The following BMPR1B variants were observed in gnomAD, a reference collection of about 807,000 sequenced individuals.
The protein encoded by BMPR1B is bone morphogenetic protein receptor type-1B.
A neutral mutation model predicts 59.1 loss-of-function variants in BMPR1B; 12 were observed. The observed-to-expected ratio is 0.20, with a 90% CI of 0.13 to 0.33. The LOEUF (loss-of-function observed/expected upper bound fraction) is 0.33. BMPR1B is among the 10% of genes least tolerant of loss of function. The pLI, the probability that BMPR1B is intolerant of heterozygous loss-of-function variation, is 1.00. For missense variants in BMPR1B, 550 were observed against 610.9 expected, an observed-to-expected ratio of 0.90 and a Z score of 1.05; for synonymous variants, 237 against 207.3, an observed-to-expected ratio of 1.14 and a Z score of -1.23.
chr4:95,031,042 A>C (rs1243476835), intron 3 of BMPR1B, among the ~76,000 whole-genome samples: 1 of 151,924 alleles, frequency 6.6e-6, no homozygotes, highest in Non-Finnish European at 1.5e-5. Flanking sequence ...TATGGAACCA[A>C]AAAAGAGCCC....
At chr4:94,884,972 C>T (rs939717810) in intron 2 of BMPR1B, among the ~76,000 whole-genome samples, 1 of 152,270 alleles carries the variant, frequency 6.6e-6, no homozygotes, top group South Asian at 2.1e-4. Flanking sequence ...GCTGTGAGCA[C>T]GTGAACAGGC....
At chr4:94,919,277 A>G (rs1334038848) in intron 2 of BMPR1B, among the ~76,000 whole-genome samples, 1 of 152,162 alleles carries the variant, frequency 6.6e-6, no homozygotes, top group Non-Finnish European at 1.5e-5. Context: ...CCCTTGTCAT[A>G]TAGGATATGG....
chr4:94,978,072 G>C (rs1298238092), intron 2 of BMPR1B, among the ~76,000 whole-genome samples: 1 of 152,098 alleles, frequency 6.6e-6, no homozygotes, highest in African/African-American at 2.4e-5. Flanking sequence ...AGGCCCATTG[G>C]CTTTCACTAA....
At chr4:95,138,954 G>A (rs1734010963) in intron 10 of BMPR1B, among the ~76,000 whole-genome samples, 1 of 152,142 alleles carries the variant, frequency 6.6e-6, no homozygotes, top group African/African-American at 2.4e-5. Flanking sequence ...TTCCATTGCT[G>A]GTGAGGAGCT....
Position 94,999,530 on chromosome 4 carries a change from A to C in BMPR1B, c.-18+3396A>C, listed in dbSNP as rs184333630. On this transcript the variant is annotated intron_variant, in intron 3 of 12. Coordinates refer to ENST00000515059, the MANE Select transcript of BMPR1B (RefSeq NM_001203.3). The stretch of plus-strand genomic sequence containing the variant: ...TCAAAATGATATTGGTTAGCAAATA[A>C]AAATTCAGGATACATATTCCAAAAA... Among the ~76,000 whole-genome samples, 754 of 152,250 alleles carry C rather than the reference A, an allele frequency of 5.0e-3. 16 individuals carry two copies. Among genetic ancestry groups the C allele is most frequent in the South Asian group, 0.031 (148 of 4,826 alleles).
intron 1 of BMPR1B, among the ~76,000 whole-genome samples, chr4:94,836,285 T>C (rs1490794141): frequency 1.3e-5 from 2 of 151,474 alleles, no homozygotes; most frequent in East Asian, 3.9e-4. Context: ...AGTAATGGGA[T>C]GGCTGGGTCA....
At chr4:94,774,429 C>A (rs1722294802) in intron 1 of BMPR1B, among the ~76,000 whole-genome samples, 1 of 151,840 alleles carries the variant, frequency 6.6e-6, no homozygotes, top group African/African-American at 2.4e-5. Flanking sequence ...ATGATAAAAT[C>A]TTTTAATCAG....
At chr4:95,013,615 A>G (rs534527833) in intron 3 of BMPR1B, among the ~76,000 whole-genome samples, 26 of 152,324 alleles carry the variant, frequency 1.7e-4, no homozygotes, top group African/African-American at 6.3e-4. Flanking sequence ...TAGAAAACGT[A>G]AACTTTCGGA....
At chr4:94,915,382 A>C (rs1728443022) in intron 2 of BMPR1B, among the ~76,000 whole-genome samples, 1 of 152,228 alleles carries the variant, frequency 6.6e-6, no homozygotes, top group Non-Finnish European at 1.5e-5. Flanking sequence ...ATAGTTATCA[A>C]AACCATTTGG....
In BMPR1B at chr4:94,922,291, T is replaced by A. The variant is rs117301003; in HGVS notation, c.-113+46391T>A. On this transcript the variant is annotated intron_variant, in intron 2 of 12. Coordinates refer to ENST00000515059, the MANE Select transcript of BMPR1B (RefSeq NM_001203.3). ...TGCCTGGCCTAGCACTTTTCTTATA[T>A]GTGTGTGTAACATGTGGATACCTCT... 1.4e-4 allele frequency among the ~76,000 whole-genome samples: 21 copies of A among 152,198 alleles called. No individual in the cohort carries two copies. The East Asian group carries it at 4.1e-3, about 29-fold the overall frequency.
intron 3 of BMPR1B, among the ~76,000 whole-genome samples, chr4:95,007,122 T>C (rs536852690): frequency 2.1e-4 from 32 of 152,276 alleles, no homozygotes; most frequent in African/African-American, 7.7e-4. Flanking sequence ...TCTACCAGGG[T>C]TTCTTTATAC....
intron 3 of BMPR1B, among the ~76,000 whole-genome samples, chr4:95,085,275 A>G (rs1406221905): frequency 6.6e-6 from 1 of 152,144 alleles, no homozygotes; most frequent in Non-Finnish European, 1.5e-5. Context: ...GGGATCCAGC[A>G]GACCAATGGC....
chr4:95,037,452 G>T (rs1395232505), intron 3 of BMPR1B, among the ~76,000 whole-genome samples: 1 of 152,186 alleles, frequency 6.6e-6, no homozygotes, highest in African/African-American at 2.4e-5. Context: ...ACCTATACTT[G>T]TGTGAATGGA....
At chr4:95,128,486 A>C (rs555525099) in intron 8 of BMPR1B, among the ~76,000 whole-genome samples, 2 of 152,178 alleles carry the variant, frequency 1.3e-5, no homozygotes, top group African/African-American at 2.4e-5. Flanking sequence ...GAGTTCTTCA[A>C]ATATTTTACT....
chr4:95,084,185 C>G (rs1019317376), intron 3 of BMPR1B, among the ~76,000 whole-genome samples: 1 of 151,150 alleles, frequency 6.6e-6, no homozygotes, highest in Non-Finnish European at 1.5e-5. Context: ...ATACATATAT[C>G]TAACTTATGA....
At chr4:95,076,310 T>C (rs774925824) in intron 3 of BMPR1B, among the ~76,000 whole-genome samples, 18 of 152,232 alleles carry the variant, frequency 1.2e-4, no homozygotes, top group Non-Finnish European at 2.4e-4. Flanking sequence ...TATAATAATG[T>C]ATGTATTTGC....
chr4:95,082,951 T>A (rs1244214325), intron 3 of BMPR1B, among the ~76,000 whole-genome samples: 2 of 138,708 alleles, frequency 1.4e-5, no homozygotes, highest in African/African-American at 5.5e-5. Flanking sequence ...GGCAGGAGAA[T>A]GGCGTGAACC....
chr4:94,904,662 A>G (rs909901984), intron 2 of BMPR1B, among the ~76,000 whole-genome samples: 1 of 152,092 alleles, frequency 6.6e-6, no homozygotes, highest in African/African-American at 2.4e-5. Context: ...ATGATGAGCA[A>G]CATAATTTTC....
intron 1 of BMPR1B, among the ~76,000 whole-genome samples, chr4:94,767,855 A>C (rs1364679997): frequency 6.6e-6 from 1 of 152,132 alleles, no homozygotes; most frequent in Admixed American, 6.5e-5. Flanking sequence ...ATTTATGGAT[A>C]CTATATTCTT....
Sources: allele counts gnomAD v4.1 joint callset (sites outside exome capture counted in the v4.1 genomes callset), GRCh38; gene constraint gnomAD v4.1.1; transcripts MANE v1.5; gene names NCBI Gene and HGNC (gene_info 2026-07-23, HGNC 2026-07-21).